Variants in CIC observed in about 807,000 individuals in gnomAD.
CIC encodes protein capicua homolog.
A neutral mutation model predicts 115.7 loss-of-function variants in CIC; 18 were observed. The ratio of observed to expected loss-of-function variants is 0.16; its 90% CI spans 0.11 to 0.23. CIC has a LOEUF of 0.23. CIC is among the 10% of genes least tolerant of loss of function. The probability of loss-of-function intolerance (pLI) is 1.00; values close to 1 mark genes in which losing one functional copy is unlikely to be tolerated. For synonymous variants in CIC, 1,076 were observed against 923.0 expected (o/e 1.17, Z -3.01); for missense variants, 2,000 against 2,159.3 (o/e 0.93, Z 1.46).
chr19:42,273,427 C>T lies in CIC; in HGVS notation c.1644C>T (p.Ala548=), dbSNP rs1428885445. The T allele has an allele frequency of 2.5e-6, 1 of 398,386 alleles. No homozygotes were observed. The highest frequency in any genetic ancestry group is 4.4e-6 in the Non-Finnish European group (1 of 225,934). 24.7% of individuals were successfully genotyped at this position (398,386 alleles called of 1,614,324 possible). A position where few individuals can be genotyped will look rare whatever the true frequency, so the allele number is the denominator to read the frequency against. ...CTGGCGGGGCGGGCCGGCCCGCGGC[C>T]GTGGCAGCCCGTGAGGGCAGCACGG... The part of the protein sequence containing the change: ...SGPGGAGRPA[A]VAAREGSTEF... The change falls in exon 2 of 21, where the codon GCC becomes GCT. Residue 548 remains alanine (A), a synonymous_variant. Transcript: ENST00000681038.
Position 42,292,827 on chromosome 19 carries a change from C to T in CIC, c.6164C>T (p.Pro2055Leu), listed in dbSNP as rs145102151. Residue 2055 changes from proline to leucine, a missense_variant, in exon 15 of 21, where the codon CCA becomes CTA. Transcript: ENST00000681038. ...CCGCCAGCCCCTGCCACTGCCACCC[C>T]AGCCCCGACTAGCCCTTTCCCCAGC... The part of the protein sequence containing the change: ...KGPPAPATAT[P>L]APTSPFPSAT... 43 of 1,613,860 alleles carry T rather than the reference C, an allele frequency of 2.7e-5. No homozygotes were observed. The East Asian group carries it at 4.2e-4, about 16-fold the overall frequency.
At chr19:42,291,807 G>T (rs945120307) in intron 12 of CIC, 62 bp downstream of exon 12, 7 of 1,596,496 alleles carry the variant, frequency 4.4e-6, no homozygotes, top group East Asian at 2.2e-5. Context: ...TCATTTCTTT[G>T]TCTTTTTTTT....
At chr19:42,269,969 G>A (rs1361013211) in intron 1 of CIC, among the ~76,000 whole-genome samples, 1 of 152,116 alleles carries the variant, frequency 6.6e-6, no homozygotes, top group Non-Finnish European at 1.5e-5. Flanking sequence ...CGGGGCTTGG[G>A]TGGGAGTTAT....
At position 42,290,958 on chromosome 19, in the gene CIC, G is replaced by C; in HGVS notation, c.4917G>C (p.Ser1639=). ...GSPLGVSLVY[S]DKKSAAATSP... is the part of the protein sequence containing the mutation. ...CGCTGGGTGTCAGCTTAGTGTATTC[G>C]GACAAGAAGTCGGCAGCAGCCACCT... The change falls in exon 11 of 21, where the codon TCG becomes TCC. Residue 1639 remains serine (S), a synonymous_variant. Coordinates refer to ENST00000681038, the MANE Select transcript of CIC (RefSeq NM_001386298.1). The C allele has an allele frequency of 1.9e-6, 3 of 1,613,700 alleles. No individual in the cohort carries two copies. Among genetic ancestry groups the C allele is most frequent in the South Asian group, 2.2e-5 (2 of 91,088 alleles).
chr19:42,283,078 C>A (rs2037337042), intron 2 of CIC, among the ~76,000 whole-genome samples: 1 of 151,982 alleles, frequency 6.6e-6, no homozygotes, highest in African/African-American at 2.4e-5. Context: ...CAGGTAGCAC[C>A]CATTAGGGTA....
At chr19:42,288,161 T>C (rs544826337) in intron 7 of CIC, among the ~76,000 whole-genome samples, 186 bp downstream of exon 7, 40 of 152,332 alleles carry the variant, frequency 2.6e-4, no homozygotes, top group African/African-American at 8.9e-4. Flanking sequence ...TCCACACAGA[T>C]ACTAAGATTC....
Position 42,293,766 on chromosome 19 carries a change from G to A in CIC, c.6697G>A (p.Ala2233Thr), listed in dbSNP as rs765762533. 3 of 1,612,862 alleles carry A rather than the reference G, an allele frequency of 1.9e-6. No individual in the cohort carries two copies. Among genetic ancestry groups the A allele is most frequent in the South Asian group, 2.2e-5 (2 of 91,042 alleles). ...CGGGGACACCCCGGAGCGCAAGGAG[G>A]CGGCTGGTACTGGCAAGAAGGTGAA... The part of the protein sequence containing the change: ...AAGDTPERKE[A>T]AGTGKKVKVR... Residue 2233 changes from alanine to threonine, a missense_variant, in exon 17 of 21, where the codon GCG becomes ACG. Transcript: ENST00000681038.
Position 42,287,960 on chromosome 19 carries a change from G to A in CIC, c.3643G>A (p.Ala1215Thr), listed in dbSNP as rs1399781929. ...GCGGAGCATGTCGGAGACGGGCACT[G>A]CTGCTGCCCCTGGGGGTTAGTCAGC... The part of the protein sequence containing the change: ...RERSMSETGT[A>T]AAPGVSSELL... Residue 1215 changes from alanine (A) to threonine (T), a missense_variant, in exon 7 of 21, where the codon GCT becomes ACT. Ala to Thr is a moderately conservative substitution (Grantham distance 58). Transcript: ENST00000681038. The surrounding 1 kb of genome is among the most constrained non-coding windows in gnomAD (Gnocchi z 8.7). The A allele has an allele frequency of 1.3e-6, 2 of 1,596,566 alleles. No individual in the cohort carries two copies. The highest frequency in any genetic ancestry group is 2.7e-5 in the African/African-American group (2 of 74,882).
chr19:42,293,653 G>A lies in CIC; in HGVS notation c.6584G>A (p.Arg2195His), dbSNP rs759057387. 65 of 1,613,018 alleles carry A rather than the reference G, an allele frequency of 4.0e-5. No individual in the cohort carries two copies. The highest frequency in any genetic ancestry group is 2.5e-4 in the South Asian group (23 of 91,034). The change falls in exon 17 of 21, where the codon CGT becomes CAT. Residue 2195 changes from arginine (R) to histidine (H), a missense_variant. By Grantham distance (29) the Arg-to-His change is conservative (BLOSUM62 0). Around this residue, in one of 8 missense-constraint regions of CIC, gnomAD observed 1,466 missense variants for 1,390.4 expected, o/e 1.05. Transcript: ENST00000681038. ...WRVPGQGLEN[R>H]GEPPTPPSPA... Reference sequence around the variant, plus strand: ...GTCCCTGGGCAGGGCCTGGAGAATCGTGGGGAGCCTCCCACTCCTCCCAGC... The same window carrying A: ...GTCCCTGGGCAGGGCCTGGAGAATCATGGGGAGCCTCCCACTCCTCCCAGC...
intron 2 of CIC, among the ~76,000 whole-genome samples, chr19:42,283,651 G>A (rs1245768317): frequency 6.6e-6 from 1 of 152,068 alleles, no homozygotes; most frequent in Non-Finnish European, 1.5e-5. Flanking sequence ...GCGCCCAGGC[G>A]GGTGTGCGGG....
At chr19:42,284,692 C>A in intron 2 of CIC, 2 of 1,542,988 alleles carry the variant, frequency 1.3e-6, no homozygotes, top group Non-Finnish European at 1.7e-6. Flanking sequence ...CCGGGTCCCC[C>A]CTGCGCCGGA....
Position 42,294,001 on chromosome 19 carries a change from G to C in CIC, c.6834G>C (p.Glu2278Asp). 6.2e-7 allele frequency: 1 copy of C among 1,613,674 alleles called. No individual in the cohort carries two copies. Among genetic ancestry groups the C allele is most frequent in the Non-Finnish European group, 8.5e-7 (1 of 1,180,016 alleles). The change falls in exon 18 of 21, where the codon GAG becomes GAC. Residue 2278 changes from glutamate (E) to aspartate (D), a missense_variant. By Grantham distance (45) the Glu-to-Asp change is conservative. Around this residue, in one of 8 missense-constraint regions of CIC, gnomAD observed 99 missense variants for 217.6 expected, o/e 0.45. Transcript: ENST00000681038. The stretch of plus-strand genomic sequence containing the variant: ...AGTTGCCTGAGTTTCGGCCTGAGGA[G>C]GTGCTGCCCTCCCCCACCCTGCAGT... ...FAELPEFRPEEVLPSPTLQSL... is the reference protein window; with the variant it reads ...FAELPEFRPEDVLPSPTLQSL...
At position 42,274,151 on chromosome 19, in the gene CIC, G is replaced by A. The variant is rs769877553; in HGVS notation, c.2368G>A (p.Gly790Ser). 97 of 399,224 alleles carry A rather than the reference G, an allele frequency of 2.4e-4. No homozygotes were observed. Among genetic ancestry groups the A allele is most frequent in the Non-Finnish European group, 3.8e-4 (85 of 226,532 alleles). The allele number at this position is 399,224 out of a possible 1,614,324, so 24.7% of individuals were successfully genotyped here. Reference protein sequence around the residue: ...SPLLLLPPPAGLTSDPGPSVR... With the variant: ...SPLLLLPPPASLTSDPGPSVR... Reference sequence around the variant, plus strand: ...ATTGCTGCTGTTGCCACCCCCTGCCGGCCTGACCTCGGATCCAGGGCCCTC... The same window carrying A: ...ATTGCTGCTGTTGCCACCCCCTGCCAGCCTGACCTCGGATCCAGGGCCCTC... The change falls in exon 2 of 21, where the codon GGC becomes AGC. Residue 790 changes from glycine to serine, a missense_variant. Physicochemically the swap from Gly to Ser is moderately conservative, Grantham distance 56 (BLOSUM62 0). This residue lies in a region of CIC where 222 missense variants were observed against 247.7 expected (regional missense o/e 0.90). Transcript: ENST00000681038.
intron 10 of CIC, 114 bp from the exon 11 acceptor site, chr19:42,290,119 C>G: frequency 6.6e-7 from 1 of 1,510,618 alleles, no homozygotes; most frequent in Non-Finnish European, 9.2e-7. Context: ...CTTCAGCTGG[C>G]AGGGGTGCAG....
chr19:42,282,883 G>T (rs901622883), intron 2 of CIC, among the ~76,000 whole-genome samples: 1 of 152,018 alleles, frequency 6.6e-6, no homozygotes, highest in South Asian at 2.1e-4. Context: ...TTTCTGGGAG[G>T]GGGGGCGGGG....
chr19:42,293,809 TGAA>T lies in CIC; in HGVS notation c.6746_6748del (p.Lys2249del), dbSNP rs773929605. The T allele has an allele frequency of 1.9e-6, 3 of 1,612,394 alleles. No homozygotes were observed. The highest frequency in any genetic ancestry group is 2.2e-5 in the East Asian group (1 of 44,866). ...AAGGTGAAGGTGCGGCCCCCGCCCC[TGAA>T]GAAGACCTTTGACTCTGTGGACAAG... On this transcript the variant is annotated inframe_deletion, in exon 17 of 21. Coordinates refer to ENST00000681038, the MANE Select transcript of CIC (RefSeq NM_001386298.1).
intron 10 of CIC, 55 bp from the exon 11 acceptor site, chr19:42,290,178 G>A (rs903982628): frequency 1.9e-6 from 3 of 1,610,192 alleles, no homozygotes; most frequent in African/African-American, 1.3e-5. Flanking sequence ...CTAGGGGGCT[G>A]CTATCGAGGT....
rs768052540 is a variant in CIC, at chr19:42,290,491, C to T, written c.4450C>T (p.Pro1484Ser). ...GSTAGPLRPP[P>S]PGAGGPATPS... is the part of the protein sequence containing the mutation. Reference sequence around the variant, plus strand: ...CACAGCGGGCCCCCTACGGCCCCCACCCCCTGGGGCTGGGGGTCCAGCGAC... The same window carrying T: ...CACAGCGGGCCCCCTACGGCCCCCATCCCCTGGGGCTGGGGGTCCAGCGAC... The change falls in exon 11 of 21, where the codon CCC becomes TCC. Residue 1484 changes from proline (P) to serine (S), a missense_variant. Pro to Ser is a moderately conservative substitution (Grantham distance 74, BLOSUM62 -1). Coordinates refer to ENST00000681038, the MANE Select transcript of CIC (RefSeq NM_001386298.1). The T allele has an allele frequency of 1.9e-6, 3 of 1,613,622 alleles. No homozygotes were observed. Among genetic ancestry groups the T allele is most frequent in the Admixed American group, 3.3e-5 (2 of 60,020 alleles).
At chr19:42,286,679 G>A in intron 2 of CIC, 92 bp from the exon 3 acceptor site, 3 of 1,554,250 alleles carry the variant, frequency 1.9e-6, no homozygotes, top group Middle Eastern at 4.0e-4. Context: ...GACAAAAGGG[G>A]TGGGGCTACC....
Sources: allele counts gnomAD v4.1 joint callset (sites outside exome capture counted in the v4.1 genomes callset), GRCh38; gene constraint gnomAD v4.1.1; regional missense constraint gnomAD v4.1.1; non-coding constraint Gnocchi (gnomAD v3.1); transcripts MANE v1.5; gene names NCBI Gene and HGNC (gene_info 2026-07-23, HGNC 2026-07-21).